Variants in FBXL3 observed in about 807,000 individuals in gnomAD.
FBXL3 encodes the protein F-box/LRR-repeat protein 3.
A neutral mutation model predicts 37.9 loss-of-function variants in FBXL3; 14 were observed. The ratio of observed to expected loss-of-function variants is 0.37; its 90% CI spans 0.24 to 0.58. The LOEUF (loss-of-function observed/expected upper bound fraction) is 0.58, where lower values mean the gene tolerates loss of function less well. Among genes scored for constraint, FBXL3 ranks in the 20% least tolerant of loss-of-function variants. FBXL3 has a pLI of 0.74. For missense variants in FBXL3, 327 were observed against 511.1 expected, an observed-to-expected ratio of 0.64 and a Z score of 3.47; for synonymous variants, 194 against 180.1, an observed-to-expected ratio of 1.08 and a Z score of -0.62.
intron 2 of FBXL3, 76 bp downstream of exon 2, chr13:77,021,437 T>A (rs1356051416): frequency 9.1e-7 from 1 of 1,099,426 alleles, no homozygotes; most frequent in Non-Finnish European, 1.3e-6. Context: ...TTTAAAGGCA[T>A]GAGAAGATGT....
At chr13:77,025,687 CAAAA>C (rs35934318) in intron 1 of FBXL3, among the ~76,000 whole-genome samples, 2 of 73,960 alleles carry the variant, frequency 2.7e-5, no homozygotes, top group African/African-American at 5.6e-5. Flanking sequence ...GTCCTTGTCT[CAAAA>C]AAAAAAAAAA....
intron 3 of FBXL3, chr13:77,016,531 G>A (rs1245812612): frequency 1.3e-5 from 2 of 151,484 alleles, no homozygotes; most frequent in Non-Finnish European, 2.9e-5. Context: ...AAAGTATAAT[G>A]AAACATTACT....
intron 1 of FBXL3, 88 bp from the exon 2 acceptor site, chr13:77,021,949 T>C (rs2034752541): frequency 9.5e-7 from 1 of 1,056,240 alleles, no homozygotes; most frequent in Admixed American, 2.3e-5. Flanking sequence ...CTGAGATGTG[T>C]GTTTATATAC....
chr13:77,025,528 G>T (rs560908941), intron 1 of FBXL3, among the ~76,000 whole-genome samples: 13 of 152,132 alleles, frequency 8.5e-5, no homozygotes, highest in African/African-American at 3.1e-4. Flanking sequence ...TTTGAGACCA[G>T]CCTGGGCAAC....
chr13:77,020,937 C>T (rs2034731709), intron 2 of FBXL3, among the ~76,000 whole-genome samples: 1 of 152,164 alleles, frequency 6.6e-6, no homozygotes, highest in African/African-American at 2.4e-5. Flanking sequence ...CAAAAAGCCA[C>T]CCACTTCATT....
In FBXL3 at chr13:77,018,580, A is replaced by G. The variant is rs750082933; in HGVS notation, c.471+20T>C. On this transcript the variant is annotated intron_variant, in intron 3 of 4. Coordinates refer to ENST00000355619, the MANE Select transcript of FBXL3 (RefSeq NM_012158.4). Reference sequence around the variant, plus strand: ...ACTGAATTTCTCAGTAATAGATAATAAAACAAAAACAGCAGATACCTTTGG... The same window carrying G: ...ACTGAATTTCTCAGTAATAGATAATGAAACAAAAACAGCAGATACCTTTGG... 1.3e-6 allele frequency: 2 copies of G among 1,549,990 alleles called. No individual in the cohort carries two copies. The highest frequency in any genetic ancestry group is 2.2e-5 in the Admixed American group (1 of 46,002).
Sources: gnomAD v4.1 joint callset for allele counts (sites outside exome capture counted in the v4.1 genomes callset) on GRCh38, gnomAD v4.1.1 for gene constraint, MANE v1.5 for transcripts, NCBI Gene and HGNC (gene_info 2026-07-23, HGNC 2026-07-21) for gene names.